Variants in EDIL3 observed in about 807,000 individuals in gnomAD.
EDIL3 encodes EGF like and discoidin domains 3.
EDIL3 carries 37 observed loss-of-function variants against 67.4 expected under a neutral mutation model. The ratio of observed to expected loss-of-function variants is 0.55; its 90% confidence interval spans 0.42 to 0.72. The LOEUF (loss-of-function observed/expected upper bound fraction) is 0.72. Among genes scored for constraint, EDIL3 ranks in the 30% least tolerant of loss-of-function variants. The pLI, the probability that EDIL3 is intolerant of heterozygous loss-of-function variation, is 0.00. For synonymous variants in EDIL3, 195 were observed against 196.3 expected (o/e 0.99, Z 0.05); for missense variants, 527 against 586.3 (o/e 0.90, Z 1.04).
chr5:84,358,460 T>C lies in EDIL3; in HGVS notation c.67+25848A>G, dbSNP rs73144564. ...CTAAATGGTGGTGGATTTTGGTTAT[T>C]TGAGGTTATGTATGATTTTTGGAAG... is the stretch of plus-strand genomic sequence containing the variant. On this transcript the variant is annotated intron_variant, in intron 1 of 10. Coordinates refer to ENST00000296591, the MANE Select transcript of EDIL3 (RefSeq NM_005711.5). Among the ~76,000 whole-genome samples, 1,498 of 152,236 alleles carry C rather than the reference T, an allele frequency of 9.8e-3. 20 individuals are homozygous for C. The highest frequency in any genetic ancestry group is 0.034 in the African/African-American group (1,407 of 41,538).
chr5:84,220,217 T>A (rs1744315447), intron 3 of EDIL3, among the ~76,000 whole-genome samples: 2 of 152,202 alleles, frequency 1.3e-5, no homozygotes, highest in South Asian at 4.1e-4. Context: ...ATATCTCATA[T>A]GTGCCATGAA....
chr5:83,943,651 C>A, intron 10 of EDIL3, 83 bp from the exon 11 acceptor site: 2 of 1,491,296 alleles, frequency 1.3e-6, no homozygotes, highest in East Asian at 2.3e-5. Flanking sequence ...GGAACATTTT[C>A]CCCAAACATG....
chr5:84,136,230 AAAC>A (rs1253733479), intron 5 of EDIL3, among the ~76,000 whole-genome samples: 1 of 152,182 alleles, frequency 6.6e-6, no homozygotes, highest in Non-Finnish European at 1.5e-5. Context: ...AAGCTTGGGC[AAAC>A]AACATCAGGT....
chr5:84,348,983 A>G (rs531752935), intron 1 of EDIL3, among the ~76,000 whole-genome samples: 1 of 152,316 alleles, frequency 6.6e-6, no homozygotes, highest in South Asian at 2.1e-4. Flanking sequence ...TACTTAAGAT[A>G]CCTAACAGCA....
chr5:84,118,800 C>T (rs1181432782), intron 5 of EDIL3, among the ~76,000 whole-genome samples: 1 of 152,096 alleles, frequency 6.6e-6, no homozygotes, highest in South Asian at 2.1e-4. Flanking sequence ...TAGGATTACA[C>T]AGGAAGCTTT....
intron 9 of EDIL3, among the ~76,000 whole-genome samples, chr5:84,043,615 G>T (rs1372730334): frequency 2.6e-5 from 4 of 152,138 alleles, no homozygotes; most frequent in Admixed American, 2.6e-4. Flanking sequence ...CAACAGAAAA[G>T]GGAGAAACTG....
intron 1 of EDIL3, among the ~76,000 whole-genome samples, chr5:84,331,430 A>G (rs1746868829): frequency 6.6e-6 from 1 of 152,086 alleles, no homozygotes; most frequent in Non-Finnish European, 1.5e-5. Flanking sequence ...CATGGGGGAC[A>G]TTACCCTCAT....
At chr5:84,203,095 A>T (rs1307518972) in intron 3 of EDIL3, among the ~76,000 whole-genome samples, 1 of 152,196 alleles carries the variant, frequency 6.6e-6, no homozygotes, top group African/African-American at 2.4e-5. Flanking sequence ...CAACAGGGAA[A>T]ATATCAAGAA....
At chr5:84,341,425 C>T (rs550272626) in intron 1 of EDIL3, among the ~76,000 whole-genome samples, 65 of 152,102 alleles carry the variant, frequency 4.3e-4, no homozygotes, top group African/African-American at 1.5e-3. Flanking sequence ...AAAAAATTTA[C>T]AAGAATCAAA....
In EDIL3 at chr5:84,122,255, T is replaced by G. The variant is rs981949106; in HGVS notation, c.469+14986A>C. Among the ~76,000 whole-genome samples, 4 of 152,162 alleles carry G rather than the reference T, an allele frequency of 2.6e-5. No homozygotes were observed. The East Asian group carries it at 7.7e-4, about 29-fold the overall frequency. ...CTTCCAAAGGTATGGATTTATCTTT[T>G]CTCTCACAGATCTTCCTAAAAAATA... On this transcript the variant is annotated intron_variant, in intron 5 of 10. Transcript: ENST00000296591.
intron 6 of EDIL3, among the ~76,000 whole-genome samples, chr5:84,099,877 T>C (rs1747330345): frequency 1.5e-5 from 2 of 130,788 alleles, no homozygotes; most frequent in Admixed American, 7.4e-5. Context: ...CTTAAACAAA[T>C]TTACAAGAAA....
chr5:84,132,061 C>G (rs749722977), intron 5 of EDIL3, among the ~76,000 whole-genome samples: 1 of 149,980 alleles, frequency 6.7e-6, no homozygotes, highest in East Asian at 2.0e-4. Context: ...GGTGAAACCC[C>G]GTCTCTACTA....
intron 1 of EDIL3, among the ~76,000 whole-genome samples, chr5:84,366,281 T>C (rs776960399): frequency 6.6e-6 from 1 of 152,156 alleles, no homozygotes; most frequent in South Asian, 2.1e-4. Flanking sequence ...ATCATCATCA[T>C]GATCATCATC....
intron 3 of EDIL3, among the ~76,000 whole-genome samples, chr5:84,210,483 T>A (rs1744098451): frequency 6.6e-6 from 1 of 152,180 alleles, no homozygotes; most frequent in Non-Finnish European, 1.5e-5. Context: ...AGAATGAATT[T>A]GTGAATATAA....
At chr5:84,170,374 G>A (rs969293159) in intron 4 of EDIL3, among the ~76,000 whole-genome samples, 1 of 152,126 alleles carries the variant, frequency 6.6e-6, no homozygotes, top group African/African-American at 2.4e-5. Flanking sequence ...CCATTAAAAC[G>A]GCTAGGCTTG....
chr5:84,118,882 C>CAT (rs1166871915), intron 5 of EDIL3, among the ~76,000 whole-genome samples: 1 of 152,008 alleles, frequency 6.6e-6, no homozygotes, highest in African/African-American at 2.4e-5. Context: ...ACGAGCCAGA[C>CAT]ATATATATTT....
intron 6 of EDIL3, among the ~76,000 whole-genome samples, chr5:84,076,091 A>G (rs1329655633): frequency 4.6e-5 from 7 of 151,726 alleles, no homozygotes; most frequent in Non-Finnish European, 1.0e-4. Flanking sequence ...AAATAATTAT[A>G]TTGTTCAAAA....
At chr5:84,341,662 C>A (rs567488543) in intron 1 of EDIL3, among the ~76,000 whole-genome samples, 16 of 152,102 alleles carry the variant, frequency 1.1e-4, no homozygotes, top group African/African-American at 3.9e-4. Flanking sequence ...ATGAACAGAG[C>A]AAATTAATCT....
chr5:84,100,094 G>A (rs1400264855), intron 6 of EDIL3, among the ~76,000 whole-genome samples: 1 of 152,148 alleles, frequency 6.6e-6, no homozygotes, highest in Non-Finnish European at 1.5e-5. Context: ...TGGAGTGGAT[G>A]TGGAGAAATA....
Sources: gnomAD v4.1 joint callset for allele counts (sites outside exome capture counted in the v4.1 genomes callset) on GRCh38, gnomAD v4.1.1 for gene constraint, MANE v1.5 for transcripts, NCBI Gene and HGNC (gene_info 2026-07-23, HGNC 2026-07-21) for gene names.